NETO1: variants seen among roughly 807,000 people sequenced by gnomAD.
The protein encoded by NETO1 is neuropilin and tolloid-like protein 1.
In NETO1, 26 loss-of-function variants were observed where a neutral mutation model predicts 61.3. The observed-to-expected ratio is 0.42, with a 90% CI of 0.31 to 0.59. The LOEUF is 0.59. Among genes scored for constraint, NETO1 ranks in the 20% least tolerant of loss-of-function variants. NETO1 has a pLI of 0.12. For missense variants in NETO1, 531 were observed against 662.8 expected, an observed-to-expected ratio of 0.80 and a Z score of 2.18; for synonymous variants, 225 against 225.8, an observed-to-expected ratio of 1.00 and a Z score of 0.03.
intron 4 of NETO1, among the ~76,000 whole-genome samples, chr18:72,850,950 T>A (rs1333947587): frequency 1.3e-5 from 2 of 152,140 alleles, no homozygotes; most frequent in African/African-American, 4.8e-5. Context: ...CTCTGGGGAA[T>A]CTGAATGTGC....
chr18:72,750,825 CT>C (rs1350066429), intron 8 of NETO1, among the ~76,000 whole-genome samples: 1 of 150,140 alleles, frequency 6.7e-6, no homozygotes, highest in East Asian at 2.0e-4. Flanking sequence ...ACTGAGCAGC[CT>C]TAAAAATAGC....
At position 72,835,951 on chromosome 18, in the gene NETO1, A is replaced by G. The variant is rs77766139; in HGVS notation, c.469+22875T>C. Among the ~76,000 whole-genome samples the G allele has an allele frequency of 2.5e-4, 38 of 152,298 alleles. No individual in the cohort carries two copies. In the East Asian group the frequency reaches 6.2e-3, roughly 25 times the overall value. ...TGTGAGAGGGCAACAAGAAACATGC[A>G]TATCTCTTACAGTGATAACACTGAG... On this transcript the variant is annotated intron_variant, in intron 4 of 10. Coordinates refer to ENST00000327305, the MANE Select transcript of NETO1 (RefSeq NM_138966.5).
chr18:72,766,040 C>T (rs1218186174), intron 7 of NETO1, among the ~76,000 whole-genome samples: 1 of 151,938 alleles, frequency 6.6e-6, no homozygotes, highest in East Asian at 2.0e-4. Context: ...GAACTCATCT[C>T]TACTAAAAAT....
At chr18:72,753,644 A>G (rs1031739613) in intron 8 of NETO1, among the ~76,000 whole-genome samples, 2 of 152,228 alleles carry the variant, frequency 1.3e-5, no homozygotes, top group Non-Finnish European at 1.5e-5. Flanking sequence ...TAAGGTCTGT[A>G]ACAGTGAATA....
intron 4 of NETO1, among the ~76,000 whole-genome samples, chr18:72,811,396 C>T (rs1008194198): frequency 6.6e-6 from 1 of 152,234 alleles, no homozygotes; most frequent in Non-Finnish European, 1.5e-5. Flanking sequence ...AAACTCCCAT[C>T]AGCTATGGCT....
chr18:72,767,909 A>T (rs1365818651), intron 7 of NETO1, among the ~76,000 whole-genome samples: 1 of 152,234 alleles, frequency 6.6e-6, no homozygotes, highest in Non-Finnish European at 1.5e-5. Flanking sequence ...AACGGATACA[A>T]TACTAGCCAC....
At chr18:72,832,485 C>G (rs2073613857) in intron 4 of NETO1, among the ~76,000 whole-genome samples, 1 of 152,124 alleles carries the variant, frequency 6.6e-6, no homozygotes, top group African/African-American at 2.4e-5. Context: ...CTAAATAATA[C>G]TTCAAAAGAA....
At chr18:72,846,655 C>CT (rs1158002244) in intron 4 of NETO1, among the ~76,000 whole-genome samples, 1 of 150,424 alleles carries the variant, frequency 6.6e-6, no homozygotes, top group African/African-American at 2.4e-5. Flanking sequence ...TTTTTATAAT[C>CT]TTTTTTTATT....
rs184340543 is a variant in NETO1, at chr18:72,855,291, C to G, written c.469+3535G>C. On this transcript the variant is annotated intron_variant, in intron 4 of 10. Transcript: ENST00000327305. ...CGCCCCCTGGCCCTTCTACAAGCCT[C>G]ACTCTTATCCTTTGAAGACCCAGGA... Among the ~76,000 whole-genome samples the G allele has an allele frequency of 2.2e-4, 33 of 152,314 alleles. 1 individual carries two copies. In the East Asian group the frequency reaches 5.4e-3, roughly 25 times the overall value.
Position 72,829,418 on chromosome 18 carries a change from CCAAT to C in NETO1, c.469+29404_469+29407del, listed in dbSNP as rs200109228. Among the ~76,000 whole-genome samples, 1,447 of 152,162 alleles carry C rather than the reference CCAAT, an allele frequency of 9.5e-3. 27 individuals are homozygous for C. Among genetic ancestry groups the C allele is most frequent in the African/African-American group, 0.032 (1,348 of 41,500 alleles). ...AAGAGAAAAAAATATCTAATATACT[CCAAT>C]CAGTTATTCAATCTTATTATGATAT... is the stretch of plus-strand genomic sequence containing the variant. On this transcript the variant is annotated intron_variant, in intron 4 of 10. Transcript: ENST00000327305.
Position 72,784,023 on chromosome 18 carries a change from T to G in NETO1, c.640-117A>C, listed in dbSNP as rs2071830457. ...CAATCTTGATTGCAATCAATCTTAT[T>G]ATTTTCCCTTGTGAATAGAAAGAAG... On this transcript the variant is annotated intron_variant, in intron 6 of 10. Coordinates refer to ENST00000327305, the MANE Select transcript of NETO1 (RefSeq NM_138966.5). 5.8e-6 allele frequency: 4 copies of G among 689,126 alleles called. No homozygotes were observed. The East Asian group carries it at 1.1e-4, about 19-fold the overall frequency. The allele number at this position is 689,126 out of a possible 1,614,324, so 42.7% of individuals were successfully genotyped here.
chr18:72,856,126 C>T (rs1202626051), intron 4 of NETO1, among the ~76,000 whole-genome samples: 1 of 152,132 alleles, frequency 6.6e-6, no homozygotes, highest in Non-Finnish European at 1.5e-5. Context: ...GGTACACTCT[C>T]AATGTGTTTA....
chr18:72,788,813 T>G (rs755948873), intron 6 of NETO1, among the ~76,000 whole-genome samples: 3 of 152,100 alleles, frequency 2.0e-5, no homozygotes, highest in Non-Finnish European at 2.9e-5. Context: ...AGCTAACAAT[T>G]TACTAAGTAA....
At chr18:72,851,040 T>C (rs1177967831) in intron 4 of NETO1, among the ~76,000 whole-genome samples, 1 of 151,948 alleles carries the variant, frequency 6.6e-6, no homozygotes, top group African/African-American at 2.4e-5. Context: ...AATAGAGGGA[T>C]GGAGTGGGAG....
At chr18:72,843,764 T>A (rs1188745255) in intron 4 of NETO1, among the ~76,000 whole-genome samples, 1 of 152,172 alleles carries the variant, frequency 6.6e-6, no homozygotes, top group Non-Finnish European at 1.5e-5. Context: ...AAAGCGTATT[T>A]TTAGGGTCAG....
At chr18:72,862,057 C>G (rs1419772174) in intron 3 of NETO1, among the ~76,000 whole-genome samples, 2 of 152,180 alleles carry the variant, frequency 1.3e-5, no homozygotes, top group South Asian at 2.1e-4. Flanking sequence ...TTCTCCTACT[C>G]ATTCCATTAC....
chr18:72,833,664 G>A (rs537773402), intron 4 of NETO1, among the ~76,000 whole-genome samples: 2 of 152,110 alleles, frequency 1.3e-5, no homozygotes, highest in Admixed American at 6.6e-5. Flanking sequence ...TATTATCTCA[G>A]GTTCTCAGTA....
At chr18:72,762,238 G>A (rs1466101235) in intron 7 of NETO1, among the ~76,000 whole-genome samples, 1 of 151,122 alleles carries the variant, frequency 6.6e-6, no homozygotes, top group African/African-American at 2.4e-5. Context: ...TCCACTCACC[G>A]CGACCTCTGC....
intron 6 of NETO1, among the ~76,000 whole-genome samples, chr18:72,785,826 T>G (rs1369465397): frequency 6.6e-6 from 1 of 152,186 alleles, no homozygotes; most frequent in African/African-American, 2.4e-5. Flanking sequence ...TCTAGGAACC[T>G]CTTCCTGATT....
Sources: allele counts gnomAD v4.1 joint callset (sites outside exome capture counted in the v4.1 genomes callset), GRCh38; gene constraint gnomAD v4.1.1; transcripts MANE v1.5; gene names NCBI Gene and HGNC (gene_info 2026-07-23, HGNC 2026-07-21).